The following LIPC variants were observed in gnomAD, a reference collection of about 807,000 sequenced individuals.
The protein encoded by LIPC is lipase C, hepatic type, also known as hepatic triacylglycerol lipase.
Under a neutral mutation model 50.7 loss-of-function variants are expected in LIPC, and 44 were observed. That is an observed-to-expected ratio of 0.87 (90% confidence interval 0.68 to 1.11). LIPC has a LOEUF of 1.11. LIPC is among the 50% of genes most tolerant of loss of function. LIPC has a pLI of 0.00. For missense variants in LIPC, 697 were observed against 648.2 expected, an observed-to-expected ratio of 1.08 and a Z score of -0.82; for synonymous variants, 271 against 256.4, an observed-to-expected ratio of 1.06 and a Z score of -0.54.
chr15:58,451,021 C>T (rs1404114390), intron 1 of LIPC, among the ~76,000 whole-genome samples: 3 of 152,164 alleles, frequency 2.0e-5, no homozygotes, highest in Non-Finnish European at 4.4e-5. Context: ...TGCCTTCCTT[C>T]CCCAGGCAAC....
chr15:58,433,154 C>T (rs1893180883), intron 1 of LIPC, among the ~76,000 whole-genome samples: 1 of 152,148 alleles, frequency 6.6e-6, no homozygotes, highest in African/African-American at 2.4e-5. Context: ...AAAGCCACAT[C>T]CAAAAATGAC....
chr15:58,560,479 G>C (rs754322110), intron 6 of LIPC, among the ~76,000 whole-genome samples: 47 of 152,142 alleles, frequency 3.1e-4, no homozygotes, highest in Admixed American at 2.5e-3. Context: ...CTCTTGCCTT[G>C]TCAAATGCCT....
At chr15:58,558,143 G>T (rs1320607208) in intron 6 of LIPC, among the ~76,000 whole-genome samples, 2 of 151,464 alleles carry the variant, frequency 1.3e-5, no homozygotes, top group East Asian at 3.9e-4. Flanking sequence ...TGCAATCTCA[G>T]CTCACTGCAA....
chr15:58,482,931 T>C (rs538752007), intron 1 of LIPC, among the ~76,000 whole-genome samples: 11 of 152,186 alleles, frequency 7.2e-5, no homozygotes, highest in Admixed American at 5.9e-4. Flanking sequence ...ACAGACTGGG[T>C]GGTGATTCCT....
At chr15:58,545,002 G>C (rs897964107) in intron 4 of LIPC, among the ~76,000 whole-genome samples, 1 of 152,138 alleles carries the variant, frequency 6.6e-6, no homozygotes, top group African/African-American at 2.4e-5. Context: ...GAAATGTCCC[G>C]CGGCTGTTCT....
At chr15:58,561,676 T>C (rs1894167529) in intron 7 of LIPC, among the ~76,000 whole-genome samples, 1 of 152,234 alleles carries the variant, frequency 6.6e-6, no homozygotes, top group Non-Finnish European at 1.5e-5. Context: ...CAAAGAAATA[T>C]ATTTTAGGGT....
chr15:58,565,129 A>T (rs1894316892), intron 8 of LIPC: 2 of 1,430,856 alleles, frequency 1.4e-6, no homozygotes, highest in East Asian at 2.5e-5. Flanking sequence ...TCTCCCTGGG[A>T]TGCAAAATCC....
intron 4 of LIPC, 119 bp downstream of exon 4, chr15:58,542,770 G>A (rs1326575227): frequency 2.9e-5 from 21 of 718,700 alleles, no homozygotes; most frequent in East Asian, 1.1e-4. Flanking sequence ...AGGGATCAGC[G>A]CTCATGAGAG....
intron 6 of LIPC, among the ~76,000 whole-genome samples, chr15:58,551,664 T>A (rs1595945944): frequency 6.6e-6 from 1 of 152,246 alleles, no homozygotes; most frequent in East Asian, 1.9e-4. Flanking sequence ...ACCAGCCACC[T>A]CCAGCATTTT....
At position 58,487,677 on chromosome 15, in the gene LIPC, G is replaced by A. The variant is rs556554101; in HGVS notation, c.89-50656G>A. 5.3e-5 allele frequency among the ~76,000 whole-genome samples: 8 copies of A among 152,282 alleles called. No homozygotes were observed. In the South Asian group the frequency reaches 1.7e-3, roughly 32 times the overall value. On this transcript the variant is annotated intron_variant, in intron 1 of 8. Coordinates refer to ENST00000299022, the MANE Select transcript of LIPC (RefSeq NM_000236.3). ...ATCCAGAAATAGCTTTCTGTAGAGT[G>A]GGGACTGAAATTAACAGGCAATTAG...
rs141760980 is a variant in LIPC, at chr15:58,557,674, C to G, written c.1052-3190C>G. ...TGCTGGGATTACAGGCGTGAGCCAC[C>G]GCGCCCGGCCTCATTATATGCTTTT... On this transcript the variant is annotated intron_variant, in intron 6 of 8. Transcript: ENST00000299022. Among the ~76,000 whole-genome samples the G allele has an allele frequency of 4.6e-4, 70 of 152,214 alleles. 1 individual carries two copies. In the South Asian group the frequency reaches 0.014, roughly 29 times the overall value.
chr15:58,449,736 C>T (rs1399526397), intron 1 of LIPC, among the ~76,000 whole-genome samples: 1 of 152,106 alleles, frequency 6.6e-6, no homozygotes, highest in African/African-American at 2.4e-5. Context: ...GACAGGGTTT[C>T]GCCATGTTGG....
intron 1 of LIPC, among the ~76,000 whole-genome samples, chr15:58,480,512 C>T (rs1399663777): frequency 6.6e-6 from 1 of 152,072 alleles, no homozygotes; most frequent in Non-Finnish European, 1.5e-5. Context: ...CCAGGTTGAT[C>T]CCAAACCCCT....
intron 6 of LIPC, among the ~76,000 whole-genome samples, chr15:58,553,310 C>CA (rs1893825693): frequency 6.6e-6 from 1 of 152,190 alleles, no homozygotes; most frequent in African/African-American, 2.4e-5. Flanking sequence ...AAGGGGCAGG[C>CA]ATTGGCCAGG....
intron 1 of LIPC, among the ~76,000 whole-genome samples, chr15:58,463,271 G>A (rs1375542349): frequency 4.6e-5 from 7 of 152,346 alleles, no homozygotes; most frequent in Non-Finnish European, 1.0e-4. Context: ...GGCCACTTGC[G>A]TAGAGCAAAG....
At chr15:58,510,043 A>T (rs1258633377) in intron 1 of LIPC, among the ~76,000 whole-genome samples, 4 of 152,216 alleles carry the variant, frequency 2.6e-5, no homozygotes, top group Admixed American at 6.5e-5. Flanking sequence ...CACTGTTAAT[A>T]AAATGTACAT....
intron 1 of LIPC, among the ~76,000 whole-genome samples, chr15:58,536,679 C>G (rs1893134543): frequency 6.6e-6 from 1 of 152,152 alleles, no homozygotes; most frequent in Non-Finnish European, 1.5e-5. Context: ...AGCTGAGACT[C>G]TCTATAAGCT....
intron 1 of LIPC, among the ~76,000 whole-genome samples, chr15:58,471,334 G>GGC (rs1555399333): frequency 7.2e-6 from 1 of 138,414 alleles, no homozygotes; most frequent in Non-Finnish European, 1.6e-5. Context: ...GAGATGGGGG[G>GGC]GGGTGGTCTC....
At chr15:58,458,317 G>C (rs916198683) in intron 1 of LIPC, among the ~76,000 whole-genome samples, 1 of 152,198 alleles carries the variant, frequency 6.6e-6, no homozygotes, top group African/African-American at 2.4e-5. Flanking sequence ...CCCTGAGCAA[G>C]GTCGGCTTAT....
Sources: allele counts gnomAD v4.1 joint callset (sites outside exome capture counted in the v4.1 genomes callset), GRCh38; gene constraint gnomAD v4.1.1; transcripts MANE v1.5; gene names NCBI Gene and HGNC (gene_info 2026-07-23, HGNC 2026-07-21).